LHX5: variants seen among roughly 807,000 people sequenced by gnomAD.
The protein encoded by LHX5 is LIM homeobox 5.
In LHX5, 5 loss-of-function variants were observed where a neutral mutation model predicts 30.6. The ratio of observed to expected loss-of-function variants is 0.16; its 90% CI spans 0.09 to 0.34. LHX5 has a LOEUF of 0.34. Ranked by LOEUF, LHX5 falls within the 10% of genes least tolerant of loss-of-function variation. The probability of loss-of-function intolerance (pLI) is 1.00; values close to 1 mark genes in which losing one functional copy is unlikely to be tolerated. For missense variants in LHX5, 458 were observed against 570.6 expected (o/e 0.80, Z 2.01); for synonymous variants, 266 against 252.6 (o/e 1.05, Z -0.50).
In LHX5 at chr12:113,464,954, G is replaced by C. The variant is rs1593327049; in HGVS notation, c.842-1397C>G. On this transcript the variant is annotated intron_variant, in intron 4 of 4. Transcript: ENST00000261731. The surrounding 1 kb of genome is among the most constrained non-coding windows in gnomAD (Gnocchi z 6.2). ...GCCCTGAAGGACTGACGTGGGGGAC[G>C]TCACGAAAGGACCACCTTGTACCAG... 6.6e-6 allele frequency among the ~76,000 whole-genome samples: 1 copy of C among 152,154 alleles called. No individual in the cohort carries two copies. Among genetic ancestry groups the C allele is most frequent in the Admixed American group, 6.5e-5 (1 of 15,292 alleles).
rs759410509 is a variant in LHX5 at position 113,463,301 on chromosome 12, G to T, written c.1098C>A (p.Gly366=). 3 of 1,529,878 alleles carry T rather than the reference G, an allele frequency of 2.0e-6. No individual in the cohort carries two copies. Among genetic ancestry groups the T allele is most frequent in the Non-Finnish European group, 2.6e-6 (3 of 1,141,396 alleles). The allele number at this position is 1,529,878 out of a possible 1,614,324, so 94.8% of individuals were successfully genotyped here. The change falls in exon 5 of 5, where the codon GGC becomes GGA. Residue 366 remains glycine (G), a synonymous_variant. Coordinates refer to ENST00000261731, the MANE Select transcript of LHX5 (RefSeq NM_022363.3). The surrounding 1 kb of genome is among the most constrained non-coding windows in gnomAD (Gnocchi z 6.7). ...GLPGTLHPMP[G]EVFSGGPSPP... ...GGCTGGGCCCGCCGCTGAATACCTC[G>T]CCGGGCATGGGGTGCAGCGTGCCCG...
Position 113,466,624 on chromosome 12 carries a change from C to A in LHX5, c.841+632G>T, listed in dbSNP as rs1191295682. ...CCCAGAGCAACTGCCGGCATTTGGG[C>A]TAACACTGCCAGATGCTGTGCGCAC... On this transcript the variant is annotated intron_variant, in intron 4 of 4. Transcript: ENST00000261731. This position sits in a 1 kb window ranked among gnomAD's most constrained non-coding sequence, Gnocchi z 6.5. Among the ~76,000 whole-genome samples, 3 of 152,192 alleles carry A rather than the reference C, an allele frequency of 2.0e-5. No homozygotes were observed. The highest frequency in any genetic ancestry group is 4.4e-5 in the Non-Finnish European group (3 of 68,042).
rs1958218531 is a variant in LHX5, at chr12:113,466,937, C to G, written c.841+319G>C. On this transcript the variant is annotated intron_variant, in intron 4 of 4. Coordinates refer to ENST00000261731, the MANE Select transcript of LHX5 (RefSeq NM_022363.3). This position sits in a 1 kb window ranked among gnomAD's most constrained non-coding sequence, Gnocchi z 6.5. The stretch of plus-strand genomic sequence containing the variant: ...CCTGTGTGTGAGAGGGTGGAATTTA[C>G]CTATACGTGATCGTGCGATCGTGTC... Among the ~76,000 whole-genome samples, 1 of 151,932 alleles carries G rather than the reference C, an allele frequency of 6.6e-6. No individual in the cohort carries two copies.
At position 113,467,527 on chromosome 12, in the gene LHX5, C is replaced by T. The variant is rs950937253; in HGVS notation, c.676-106G>A. On this transcript the variant is annotated intron_variant, in intron 3 of 4. Coordinates refer to ENST00000261731, the MANE Select transcript of LHX5 (RefSeq NM_022363.3). The surrounding 1 kb of genome is among the most constrained non-coding windows in gnomAD (Gnocchi z 6.3). ...CCCTGCTGGGTCCTTGCGCCTCTTC[C>T]GCACCAGGACTCCCCCGAGGCGGGG... 2.8e-6 allele frequency: 3 copies of T among 1,060,440 alleles called. No homozygotes were observed. Among genetic ancestry groups the T allele is most frequent in the Non-Finnish European group, 2.5e-6 (2 of 784,440 alleles). 65.7% of individuals were successfully genotyped at this position (1,060,440 alleles called of 1,614,324 possible).
rs765620349 is a variant in LHX5, at chr12:113,468,203, G to A, written c.599C>T (p.Ala200Val). The stretch of plus-strand genomic sequence containing the variant: ...GTGGCGCGTGGGCTTGGGCGTGGCG[G>A]CGAAGGCAGCCTTGAGCGTCTCCAG... ...KQLETLKAAF[A>V]ATPKPTRHIR... Residue 200 changes from alanine (A) to valine (V), a missense_variant, in exon 3 of 5, where the codon GCC becomes GTC. Physicochemically the swap from Ala to Val is moderately conservative, Grantham distance 64. Coordinates refer to ENST00000261731, the MANE Select transcript of LHX5 (RefSeq NM_022363.3). The A allele has an allele frequency of 6.2e-7, 1 of 1,613,354 alleles. No individual in the cohort carries two copies. Among genetic ancestry groups the A allele is most frequent in the African/African-American group, 1.3e-5 (1 of 75,054 alleles).
intron 2 of LHX5, 32 bp from the exon 3 acceptor site, chr12:113,468,436 G>T (rs771539026): frequency 6.3e-7 from 1 of 1,580,324 alleles, no homozygotes; most frequent in African/African-American, 1.3e-5. Context: ...AGGGGACAGC[G>T]GCGTCAGCGA....
chr12:113,468,161 G>T lies in LHX5; in HGVS notation c.641C>A (p.Ala214Glu). The T allele has an allele frequency of 1.2e-6, 2 of 1,608,228 alleles. No homozygotes were observed. The highest frequency in any genetic ancestry group is 1.7e-6 in the Non-Finnish European group (2 of 1,178,002). The change falls in exon 3 of 5, where the codon GCG becomes GAG. Residue 214 changes from alanine to glutamate, a missense_variant. Ala to Glu is a moderately radical substitution (Grantham distance 107). Coordinates refer to ENST00000261731, the MANE Select transcript of LHX5 (RefSeq NM_022363.3). ...KPTRHIREQL[A>E]QETGLNMRVI... Reference sequence around the variant, plus strand: ...GCGCATGTTGAGGCCGGTCTCCTGCGCCAGCTGCTCGCGGATGTGGCGCGT... The same window carrying T: ...GCGCATGTTGAGGCCGGTCTCCTGCTCCAGCTGCTCGCGGATGTGGCGCGT...
chr12:113,467,131 G>A lies in LHX5; in HGVS notation c.841+125C>T. 1.0e-6 allele frequency: 1 copy of A among 956,766 alleles called. No individual in the cohort carries two copies. The highest frequency in any genetic ancestry group is 2.3e-5 in the South Asian group (1 of 43,522). 59.3% of individuals were successfully genotyped at this position (956,766 alleles called of 1,614,324 possible). A position where few individuals can be genotyped will look rare whatever the true frequency, so the allele number is the denominator to read the frequency against. On this transcript the variant is annotated intron_variant, in intron 4 of 4. Transcript: ENST00000261731. This position sits in a 1 kb window ranked among gnomAD's most constrained non-coding sequence, Gnocchi z 6.3. ...CATGTGGGTGAGTGTACATGTGTCT[G>A]TGATCGTGTGTCCAGCGAGTGGGCG...
rs1958201084 is a variant in LHX5 at position 113,464,617 on chromosome 12, A to G, written c.842-1060T>C. On this transcript the variant is annotated intron_variant, in intron 4 of 4. Coordinates refer to ENST00000261731, the MANE Select transcript of LHX5 (RefSeq NM_022363.3). The surrounding 1 kb of genome is among the most constrained non-coding windows in gnomAD (Gnocchi z 6.2). ...GGAGGACACGAAGATTCTCTGGGTCATGGCCAGAGCTCCGCGGGCTCCTTG... is the reference window on the plus strand; with the variant it reads ...GGAGGACACGAAGATTCTCTGGGTCGTGGCCAGAGCTCCGCGGGCTCCTTG... Among the ~76,000 whole-genome samples the G allele has an allele frequency of 6.6e-6, 1 of 152,178 alleles. No homozygotes were observed. Among genetic ancestry groups the G allele is most frequent in the South Asian group, 2.1e-4 (1 of 4,832 alleles).
chr12:113,468,536 C>T, intron 2 of LHX5, 132 bp from the exon 3 acceptor site: 2 of 1,151,372 alleles, frequency 1.7e-6, no homozygotes, highest in Non-Finnish European at 2.4e-6. Flanking sequence ...TGGATTCCCT[C>T]CCAAACCTGC....
chr12:113,465,983 C>T lies in LHX5; in HGVS notation c.841+1273G>A, dbSNP rs1198620654. Among the ~76,000 whole-genome samples, 1 of 152,120 alleles carries T rather than the reference C, an allele frequency of 6.6e-6. No homozygotes were observed. Among genetic ancestry groups the T allele is most frequent in the East Asian group, 1.9e-4 (1 of 5,182 alleles). ...TGAAAAGCACAGCCTGGCATTTTGC[C>T]CACAATTTCTAGGGGCCCCGGTCCG... is the stretch of plus-strand genomic sequence containing the variant. On this transcript the variant is annotated intron_variant, in intron 4 of 4. Transcript: ENST00000261731. This position sits in a 1 kb window ranked among gnomAD's most constrained non-coding sequence, Gnocchi z 6.7.
In LHX5 at chr12:113,469,288, C is replaced by T. The variant is rs1314555118; in HGVS notation, c.231G>A (p.Val77=). The T allele has an allele frequency of 1.9e-6, 3 of 1,614,192 alleles. No individual in the cohort carries two copies. The highest frequency in any genetic ancestry group is 1.1e-5 in the South Asian group (1 of 91,082). The change falls in exon 2 of 5, where the codon GTG becomes GTA. Residue 77 remains valine, a synonymous_variant. Coordinates refer to ENST00000261731, the MANE Select transcript of LHX5 (RefSeq NM_022363.3). ...GAAAGACTTTGCTCCGGGCCTTGCG[C>T]ACCAGGTCGCTGGGCGAGATGCCTT... ...CAQGISPSDL[V]RKARSKVFHL... is the part of the protein sequence containing the mutation.
Position 113,463,117 on chromosome 12 carries a change from G to A in LHX5, c.*73C>T. 7.7e-7 allele frequency: 1 copy of A among 1,291,240 alleles called. No individual in the cohort carries two copies. Among genetic ancestry groups the A allele is most frequent in the Non-Finnish European group, 1.0e-6 (1 of 976,378 alleles). 80.0% of individuals were successfully genotyped at this position (1,291,240 alleles called of 1,614,324 possible). A position where few individuals can be genotyped will look rare whatever the true frequency, so the allele number is the denominator to read the frequency against. ...CACGTCTCCCACCGCGTCTGCGTCG[G>A]GCGTTTTGGTTTCAGGAGGCTGCTT... is the stretch of plus-strand genomic sequence containing the variant. On this transcript the variant is annotated 3_prime_UTR_variant, in exon 5 of 5. Transcript: ENST00000261731. The surrounding 1 kb of genome is among the most constrained non-coding windows in gnomAD (Gnocchi z 6.7).
Position 113,464,059 on chromosome 12 carries a change from C to G in LHX5, c.842-502G>C, listed in dbSNP as rs1169566133. The stretch of plus-strand genomic sequence containing the variant: ...AAAAGAGACCCAGAGACGCGGAGTC[C>G]GCGGCTGAGACCCGAAAGCCCGAGA... On this transcript the variant is annotated intron_variant, in intron 4 of 4. Transcript: ENST00000261731. This position sits in a 1 kb window ranked among gnomAD's most constrained non-coding sequence, Gnocchi z 6.2. 6.6e-6 allele frequency among the ~76,000 whole-genome samples: 1 copy of G among 152,082 alleles called. No homozygotes were observed. Among genetic ancestry groups the G allele is most frequent in the Non-Finnish European group, 1.5e-5 (1 of 68,014 alleles).
Position 113,465,333 on chromosome 12 carries a change from C to T in LHX5, c.842-1776G>A, listed in dbSNP as rs1205186733. 6.6e-6 allele frequency among the ~76,000 whole-genome samples: 1 copy of T among 152,248 alleles called. No individual in the cohort carries two copies. The highest frequency in any genetic ancestry group is 2.4e-5 in the African/African-American group (1 of 41,474). ...CGGCGAGCCGGAAAACCAGCGAAGGCCGCTGCCCCCGCGCCGTGCGCGCCG... is the reference window on the plus strand; with the variant it reads ...CGGCGAGCCGGAAAACCAGCGAAGGTCGCTGCCCCCGCGCCGTGCGCGCCG... On this transcript the variant is annotated intron_variant, in intron 4 of 4. Transcript: ENST00000261731. This position sits in a 1 kb window ranked among gnomAD's most constrained non-coding sequence, Gnocchi z 6.7.
Position 113,466,131 on chromosome 12 carries a change from A to G in LHX5, c.841+1125T>C, listed in dbSNP as rs1384345908. Among the ~76,000 whole-genome samples, 7 of 152,118 alleles carry G rather than the reference A, an allele frequency of 4.6e-5. 1 individual carries two copies. The South Asian group carries it at 1.5e-3, about 32-fold the overall frequency. ...CCTGCCTTGCTAACACTGCCACTGA[A>G]CCCACTTTCTAAGAGAAATTGCCTC... is the stretch of plus-strand genomic sequence containing the variant. On this transcript the variant is annotated intron_variant, in intron 4 of 4. Coordinates refer to ENST00000261731, the MANE Select transcript of LHX5 (RefSeq NM_022363.3). The surrounding 1 kb of genome is among the most constrained non-coding windows in gnomAD (Gnocchi z 6.5).
Position 113,463,171 on chromosome 12 carries a change from G to C in LHX5, c.*19C>G, listed in dbSNP as rs1029775747. ...GGCGGGGCCCCCGGGGGCCGAGCGC[G>C]GGGGGCGGCCCGGCGGCCTTACCAC... On this transcript the variant is annotated 3_prime_UTR_variant, in exon 5 of 5. Coordinates refer to ENST00000261731, the MANE Select transcript of LHX5 (RefSeq NM_022363.3). The surrounding 1 kb of genome is among the most constrained non-coding windows in gnomAD (Gnocchi z 6.7). 1.3e-6 allele frequency: 2 copies of C among 1,486,144 alleles called. No individual in the cohort carries two copies. Among genetic ancestry groups the C allele is most frequent in the Admixed American group, 2.4e-5 (1 of 42,382 alleles). 92.1% of individuals were successfully genotyped at this position (1,486,144 alleles called of 1,614,324 possible).
rs1327352297 is a variant in LHX5, at chr12:113,466,002, C to G, written c.841+1254G>C. Reference sequence around the variant, plus strand: ...TTTTGCCCACAATTTCTAGGGGCCCCGGTCCGGTCTCAAGGTCTAATCCCC... The same window carrying G: ...TTTTGCCCACAATTTCTAGGGGCCCGGGTCCGGTCTCAAGGTCTAATCCCC... On this transcript the variant is annotated intron_variant, in intron 4 of 4. Coordinates refer to ENST00000261731, the MANE Select transcript of LHX5 (RefSeq NM_022363.3). This position sits in a 1 kb window ranked among gnomAD's most constrained non-coding sequence, Gnocchi z 6.5. Among the ~76,000 whole-genome samples the G allele has an allele frequency of 1.3e-5, 2 of 152,280 alleles. No homozygotes were observed. Among genetic ancestry groups the G allele is most frequent in the African/African-American group, 4.8e-5 (2 of 41,564 alleles).
chr12:113,463,046 G>C lies in LHX5; in HGVS notation c.*144C>G. ...CCCCTCGGCGCCCAGCCGAGGAGCA[G>C]CTGCCAGTTGAGTGCGGACCCGAGA... On this transcript the variant is annotated 3_prime_UTR_variant, in exon 5 of 5. Transcript: ENST00000261731. The surrounding 1 kb of genome is among the most constrained non-coding windows in gnomAD (Gnocchi z 6.7). 1.4e-6 allele frequency: 1 copy of C among 716,206 alleles called. No homozygotes were observed. The highest frequency in any genetic ancestry group is 3.8e-5 in the Admixed American group (1 of 26,008). The allele number at this position is 716,206 out of a possible 1,614,324, so 44.4% of individuals were successfully genotyped here. A position where few individuals can be genotyped will look rare whatever the true frequency, so the allele number is the denominator to read the frequency against.
Sources: gnomAD v4.1 joint callset for allele counts (sites outside exome capture counted in the v4.1 genomes callset) on GRCh38, gnomAD v4.1.1 for gene constraint, Gnocchi (gnomAD v3.1) non-coding constraint, MANE v1.5 for transcripts, NCBI Gene and HGNC (gene_info 2026-07-23, HGNC 2026-07-21) for gene names.